Variants in SDHAF3 observed in about 807,000 individuals in gnomAD.
SDHAF3 encodes the protein succinate dehydrogenase assembly factor 3, mitochondrial.
SDHAF3 carries 18 observed loss-of-function variants against 11.5 expected under a neutral mutation model. The observed-to-expected ratio is 1.56, with a 90% confidence interval of 1.08 to 2.32. The LOEUF (loss-of-function observed/expected upper bound fraction) is 2.32, where lower values mean the gene tolerates loss of function less well. SDHAF3 is among the 30% of genes most tolerant of loss of function. The pLI is 0.00. For missense variants in SDHAF3, 200 were observed against 154.4 expected, an observed-to-expected ratio of 1.30 and a Z score of -1.57; for synonymous variants, 72 against 59.3, an observed-to-expected ratio of 1.21 and a Z score of -0.99.
intron 1 of SDHAF3, chr7:97,136,478 C>A: frequency 1.6e-6 from 1 of 628,988 alleles, no homozygotes; most frequent in Non-Finnish European, 2.9e-6. Context: ...GTAAGTAAGA[C>A]CTGCCAGATT....
intron 1 of SDHAF3, among the ~76,000 whole-genome samples, chr7:97,179,793 A>G (rs762900081): frequency 6.8e-5 from 10 of 147,884 alleles, no homozygotes; most frequent in Admixed American, 4.7e-4. Flanking sequence ...AGTGGAATTG[A>G]TAAAACTTGA....
chr7:97,166,753 G>T (rs547575731), intron 1 of SDHAF3, among the ~76,000 whole-genome samples: 25 of 151,830 alleles, frequency 1.6e-4, no homozygotes, highest in Middle Eastern at 3.4e-3. Flanking sequence ...TGGCGGGGGG[G>T]GCTTAGAATT....
At chr7:97,164,600 C>T (rs567969099) in intron 1 of SDHAF3, among the ~76,000 whole-genome samples, 23 of 151,402 alleles carry the variant, frequency 1.5e-4, no homozygotes, top group Middle Eastern at 7.0e-3. Flanking sequence ...GTCTTGAACT[C>T]CTGACCCTAG....
intron 1 of SDHAF3, among the ~76,000 whole-genome samples, chr7:97,165,844 TAATA>T (rs998738075): frequency 2.0e-5 from 3 of 152,210 alleles, no homozygotes; most frequent in Non-Finnish European, 2.9e-5. Flanking sequence ...CTTTTTTCTT[TAATA>T]AATGTGTATC....
intron 1 of SDHAF3, among the ~76,000 whole-genome samples, chr7:97,135,891 G>C (rs964200241): frequency 6.6e-6 from 1 of 151,338 alleles, no homozygotes; most frequent in Non-Finnish European, 1.5e-5. Context: ...GTTTCACCGT[G>C]TTAGCCAGGA....
At chr7:97,121,850 T>C (rs1349400148) in intron 1 of SDHAF3, among the ~76,000 whole-genome samples, 2 of 124,042 alleles carry the variant, frequency 1.6e-5, no homozygotes, top group Non-Finnish European at 1.6e-5. Flanking sequence ...GGTTTTTTTT[T>C]TTTGTTTTTT....
At chr7:97,123,640 C>T (rs943262452) in intron 1 of SDHAF3, among the ~76,000 whole-genome samples, 13 of 152,168 alleles carry the variant, frequency 8.5e-5, no homozygotes, top group African/African-American at 3.1e-4. Context: ...TATTTCTCCA[C>T]ATCCTCTCCA....
At chr7:97,148,084 G>A (rs1044489389) in intron 1 of SDHAF3, among the ~76,000 whole-genome samples, 4 of 151,816 alleles carry the variant, frequency 2.6e-5, no homozygotes, top group Admixed American at 6.6e-5. Flanking sequence ...TTGTAGAGAC[G>A]GGGTTTCACC....
intron 1 of SDHAF3, among the ~76,000 whole-genome samples, chr7:97,176,476 G>A (rs1796817060): frequency 6.6e-6 from 1 of 152,172 alleles, no homozygotes; most frequent in Non-Finnish European, 1.5e-5. Flanking sequence ...GCTTGGCGGG[G>A]TGACTTAGTC....
chr7:97,123,154 C>G (rs1361347404), intron 1 of SDHAF3, among the ~76,000 whole-genome samples: 1 of 151,948 alleles, frequency 6.6e-6, no homozygotes, highest in East Asian at 1.9e-4. Flanking sequence ...TTTCCCCCCA[C>G]CCCCTGAAAG....
chr7:97,123,644 C>T (rs1197827266), intron 1 of SDHAF3, among the ~76,000 whole-genome samples: 1 of 152,178 alleles, frequency 6.6e-6, no homozygotes. Context: ...TCTCCACATC[C>T]TCTCCAGCAT....
At chr7:97,131,106 G>A (rs950953616) in intron 1 of SDHAF3, among the ~76,000 whole-genome samples, 5 of 152,142 alleles carry the variant, frequency 3.3e-5, no homozygotes, top group African/African-American at 1.2e-4. Flanking sequence ...AAAATGTTGT[G>A]TTCTTAGTTT....
At chr7:97,122,820 A>G (rs1399074524) in intron 1 of SDHAF3, among the ~76,000 whole-genome samples, 1 of 152,148 alleles carries the variant, frequency 6.6e-6, no homozygotes, top group East Asian at 1.9e-4. Flanking sequence ...TGTGGGTGGA[A>G]GTGCCCCTTT....
At chr7:97,157,803 T>C (rs1439706551) in intron 1 of SDHAF3, among the ~76,000 whole-genome samples, 4 of 152,138 alleles carry the variant, frequency 2.6e-5, no homozygotes. Flanking sequence ...AATGATTTCA[T>C]GTCCTTTGTA....
At chr7:97,132,805 A>G (rs760776698) in intron 1 of SDHAF3, among the ~76,000 whole-genome samples, 11 of 152,168 alleles carry the variant, frequency 7.2e-5, no homozygotes, top group Non-Finnish European at 1.0e-4. Context: ...GGCTTCAGAA[A>G]GATATTCTAG....
At chr7:97,140,966 A>G (rs942375968) in intron 1 of SDHAF3, among the ~76,000 whole-genome samples, 24 of 152,374 alleles carry the variant, frequency 1.6e-4, no homozygotes, top group Middle Eastern at 6.8e-3. Context: ...TGGGAGAAAT[A>G]CCGCTGAATT....
chr7:97,179,599 C>G (rs920216102), intron 1 of SDHAF3, among the ~76,000 whole-genome samples: 1 of 151,348 alleles, frequency 6.6e-6, no homozygotes, highest in Non-Finnish European at 1.5e-5. Context: ...GGCAGTGTTT[C>G]GAGACATTTT....
At chr7:97,159,186 A>C (rs1789357840) in intron 1 of SDHAF3, among the ~76,000 whole-genome samples, 1 of 152,230 alleles carries the variant, frequency 6.6e-6, no homozygotes, top group South Asian at 2.1e-4. Context: ...AATATGATAA[A>C]AATGTATGTC....
intron 1 of SDHAF3, among the ~76,000 whole-genome samples, chr7:97,123,571 A>G (rs573840268): frequency 1.8e-4 from 28 of 152,296 alleles, no homozygotes; most frequent in Non-Finnish European, 3.7e-4. Flanking sequence ...GAATTGCCAC[A>G]CTGTCTTCCA....
Sources: gnomAD v4.1 joint callset for allele counts (sites outside exome capture counted in the v4.1 genomes callset) on GRCh38, gnomAD v4.1.1 for gene constraint, MANE v1.5 for transcripts, NCBI Gene and HGNC (gene_info 2026-07-23, HGNC 2026-07-21) for gene names.